Variants in EXOC4 observed in about 807,000 individuals in gnomAD.
EXOC4 encodes the protein SEC8-like 1.
EXOC4 carries 71 observed loss-of-function variants against 107.2 expected under a neutral mutation model. The observed-to-expected ratio is 0.66, with a 90% confidence interval of 0.55 to 0.81. The LOEUF is 0.81. Ranked by LOEUF, EXOC4 falls within the 30% of genes least tolerant of loss-of-function variation. EXOC4 has a pLI of 0.00. For synonymous variants in EXOC4, 456 were observed against 441.2 expected, an observed-to-expected ratio of 1.03 and a Z score of -0.42; for missense variants, 1,108 against 1,189.6, an observed-to-expected ratio of 0.93 and a Z score of 1.01.
intron 10 of EXOC4, among the ~76,000 whole-genome samples, chr7:133,740,169 C>T (rs543270338): frequency 3.9e-5 from 6 of 152,206 alleles, no homozygotes; most frequent in Non-Finnish European, 2.9e-5. Flanking sequence ...TTGCTACCCT[C>T]ATAGAACTAT....
intron 5 of EXOC4, among the ~76,000 whole-genome samples, chr7:133,324,429 T>C (rs570355698): frequency 6.6e-6 from 1 of 152,360 alleles, no homozygotes; most frequent in African/African-American, 2.4e-5. Context: ...CTCATTGGTT[T>C]CGAAGAACAT....
intron 12 of EXOC4, among the ~76,000 whole-genome samples, chr7:133,906,018 A>G (rs1372326001): frequency 6.6e-6 from 1 of 152,210 alleles, no homozygotes; most frequent in Non-Finnish European, 1.5e-5. Context: ...CACAGTGACT[A>G]GAGTGGACAG....
chr7:133,478,895 T>C (rs1424584), intron 8 of EXOC4: 151,432 of 152,314 alleles, frequency 0.99, 75,286 homozygotes, highest in East Asian at 1. Context: ...GCCTTCTTTC[T>C]GGCTGTTAGT....
intron 9 of EXOC4, among the ~76,000 whole-genome samples, chr7:133,558,189 C>CTCTTCTCTTTTCTTT (rs1554471691): frequency 8.7e-6 from 1 of 114,362 alleles, no homozygotes; most frequent in Non-Finnish European, 1.8e-5. Context: ...TTGGTTCCTT[C>CTCTTCTCTTTTCTTT]TCTTTTCTTT....
At chr7:133,804,818 A>C (rs1797034657) in intron 10 of EXOC4, among the ~76,000 whole-genome samples, 1 of 152,182 alleles carries the variant, frequency 6.6e-6, no homozygotes, top group Non-Finnish European at 1.5e-5. Context: ...AACATAGTAC[A>C]TGCATCCTTA....
intron 17 of EXOC4, among the ~76,000 whole-genome samples, chr7:134,030,841 G>T (rs1795254665): frequency 6.6e-6 from 1 of 151,954 alleles, no homozygotes; most frequent in Non-Finnish European, 1.5e-5. Flanking sequence ...GAATTTGGCT[G>T]CCTTCAGCCA....
chr7:133,382,160 GTC>G (rs1251834571), intron 7 of EXOC4, among the ~76,000 whole-genome samples: 2 of 152,254 alleles, frequency 1.3e-5, no homozygotes, highest in East Asian at 3.9e-4. Context: ...CTAGTGGAGA[GTC>G]TATGCATATA....
chr7:134,079,772 G>A, the EXOC4 span, among the ~76,000 whole-genome samples: 1 of 152,216 alleles, frequency 6.6e-6, no homozygotes. Flanking sequence ...GCATGAGTTT[G>A]CACTGAGCCA....
At chr7:133,311,381 A>T (rs1563013216) in intron 4 of EXOC4, among the ~76,000 whole-genome samples, 3 of 152,266 alleles carry the variant, frequency 2.0e-5, no homozygotes, top group Non-Finnish European at 4.4e-5. Context: ...GACAAAATAG[A>T]GTTGAGAAAT....
rs139432698 is a variant in EXOC4, at chr7:133,437,689, G to A, written c.1183-37639G>A. On this transcript the variant is annotated intron_variant, in intron 7 of 17. Coordinates refer to ENST00000253861, the MANE Select transcript of EXOC4 (RefSeq NM_021807.4). ...TGATTGTAAATGACTCCACAAGTGT[G>A]TGCATGAATTCCCTTAAGCTCCTCT... is the stretch of plus-strand genomic sequence containing the variant. 3.9e-4 allele frequency among the ~76,000 whole-genome samples: 59 copies of A among 152,268 alleles called. No homozygotes were observed. The East Asian group carries it at 0.011, about 29-fold the overall frequency.
chr7:133,968,555 C>T (rs1382784075), intron 14 of EXOC4, among the ~76,000 whole-genome samples: 4 of 152,186 alleles, frequency 2.6e-5, no homozygotes, highest in Admixed American at 6.5e-5. Context: ...AATCTCTCAA[C>T]ATTTGCTTGT....
chr7:133,375,092 C>A, intron 7 of EXOC4, 90 bp downstream of exon 7: 1 of 1,049,426 alleles, frequency 9.5e-7, no homozygotes, highest in Non-Finnish European at 1.4e-6. Flanking sequence ...ACCTAAAACA[C>A]TATCTTAAGA....
intron 10 of EXOC4, among the ~76,000 whole-genome samples, chr7:133,693,947 C>A (rs761312519): frequency 6.6e-6 from 1 of 151,866 alleles, no homozygotes; most frequent in Non-Finnish European, 1.5e-5. Context: ...ACAGAGTAAC[C>A]CCTGGATGAA....
At chr7:133,346,670 G>A (rs1400130567) in intron 5 of EXOC4, among the ~76,000 whole-genome samples, 1 of 151,958 alleles carries the variant, frequency 6.6e-6, no homozygotes, top group African/African-American at 2.4e-5. Flanking sequence ...AATTAGGCTG[G>A]GTGATGTTTT....
chr7:133,700,939 A>C (rs1279769846), intron 10 of EXOC4, among the ~76,000 whole-genome samples: 1 of 152,140 alleles, frequency 6.6e-6, no homozygotes, highest in Non-Finnish European at 1.5e-5. Context: ...TCAGGAGTTC[A>C]AGGTCAGCCA....
chr7:133,942,886 A>C (rs1315243431), intron 14 of EXOC4, among the ~76,000 whole-genome samples: 3 of 152,158 alleles, frequency 2.0e-5, no homozygotes, highest in Non-Finnish European at 2.9e-5. Flanking sequence ...AGTTGCAATA[A>C]AACATTTCTG....
intron 11 of EXOC4, among the ~76,000 whole-genome samples, chr7:133,828,751 G>T (rs1303202576): frequency 6.6e-6 from 1 of 152,116 alleles, no homozygotes; most frequent in Non-Finnish European, 1.5e-5. Flanking sequence ...TTCCACCATT[G>T]AAATTTTAAT....
chr7:133,884,299 CA>C (rs943490486), intron 11 of EXOC4, among the ~76,000 whole-genome samples: 1 of 152,198 alleles, frequency 6.6e-6, no homozygotes, highest in Non-Finnish European at 1.5e-5. Context: ...CTACAAACAT[CA>C]TGCAGTTTAT....
chr7:133,448,644 G>C (rs1029981919), intron 7 of EXOC4, among the ~76,000 whole-genome samples: 5 of 152,200 alleles, frequency 3.3e-5, no homozygotes, highest in Non-Finnish European at 7.4e-5. Context: ...TCCGCTTATG[G>C]TGGATAGAGT....
Sources: gnomAD v4.1 joint callset for allele counts (sites outside exome capture counted in the v4.1 genomes callset) on GRCh38, gnomAD v4.1.1 for gene constraint, MANE v1.5 for transcripts, NCBI Gene and HGNC (gene_info 2026-07-23, HGNC 2026-07-21) for gene names.